Variants in BPIFA3 observed in about 807,000 individuals in gnomAD.
The protein encoded by BPIFA3 is BPI fold-containing family A member 3.
Under a neutral mutation model 29.7 loss-of-function variants are expected in BPIFA3, and 32 were observed. That is an observed-to-expected ratio of 1.08 (90% confidence interval 0.81 to 1.45). The LOEUF is 1.45. BPIFA3 is among the 40% of genes most tolerant of loss of function. BPIFA3 has a pLI of 0.00. For synonymous variants in BPIFA3, 112 were observed against 113.7 expected (o/e 0.98, Z 0.10); for missense variants, 323 against 311.3 (o/e 1.04, Z -0.28).
chr20:33,222,554 AGATG>A (rs56018803), intron 1 of BPIFA3, among the ~76,000 whole-genome samples: 19,196 of 129,042 alleles, frequency 0.15, 1,509 homozygotes, highest in South Asian at 0.22. Context: ...ATAGATGGAC[AGATG>A]GATGGATGGA....
chr20:33,220,270 G>C (rs1340128588), intron 1 of BPIFA3, among the ~76,000 whole-genome samples: 1 of 147,944 alleles, frequency 6.8e-6, no homozygotes, highest in East Asian at 2.0e-4. Flanking sequence ...TGGTGGTGAG[G>C]GCCTGTAGTC....
At position 33,226,455 on chromosome 20, in the gene BPIFA3, C is replaced by G. The variant is rs780265027; in HGVS notation, c.586C>G (p.Leu196Val). ...GTTTCTCTACAACCTCAAAGAGAAT[C>G]TGCAAAAAGTTCTCCCACACATGGT... Reference protein sequence around the residue: ...NQFLYNLKENLQKVLPHMVES... With the variant: ...NQFLYNLKENVQKVLPHMVES... The change falls in exon 5 of 7, where the codon CTG becomes GTG. Residue 196 changes from leucine to valine, a missense_variant. Coordinates refer to ENST00000375454, the MANE Select transcript of BPIFA3 (RefSeq NM_178466.5). 2.5e-6 allele frequency: 4 copies of G among 1,609,456 alleles called. No homozygotes were observed. In the African/African-American group the frequency reaches 5.4e-5, roughly 22 times the overall value.
At chr20:33,224,951 T>C in intron 3 of BPIFA3, 147 bp from the exon 4 acceptor site, 2 of 686,046 alleles carry the variant, frequency 2.9e-6, no homozygotes, top group Non-Finnish European at 5.0e-6. Context: ...GACTTCAGGA[T>C]TTAACTGGGC....
At chr20:33,217,845 A>G (rs1247296611) in intron 1 of BPIFA3, among the ~76,000 whole-genome samples, 182 bp downstream of exon 1, 1 of 152,188 alleles carries the variant, frequency 6.6e-6, no homozygotes, top group Non-Finnish European at 1.5e-5. Context: ...TTTCTAGCAC[A>G]TCCTCATTGG....
In BPIFA3 at chr20:33,217,493, C is replaced by T. The variant is rs750046486; in HGVS notation, c.-44C>T. On this transcript the variant is annotated 5_prime_UTR_variant, in exon 1 of 7. An upstream open reading frame in the 5' UTR gains an earlier in-frame stop. Transcript: ENST00000375454. ...ACTGCCACCCTCAAAGCCGTCTGCC[C>T]AGGCCCCATCTGACACTCTTGACAT... is the stretch of plus-strand genomic sequence containing the variant. 1.2e-6 allele frequency: 2 copies of T among 1,605,482 alleles called. No homozygotes were observed. Among genetic ancestry groups the T allele is most frequent in the Non-Finnish European group, 1.7e-6 (2 of 1,176,770 alleles).
At chr20:33,223,033 G>A (rs749444123) in intron 1 of BPIFA3, among the ~76,000 whole-genome samples, 1 of 152,220 alleles carries the variant, frequency 6.6e-6, no homozygotes, top group South Asian at 2.1e-4. Flanking sequence ...AAGACCCAGG[G>A]AGATGATAGA....
chr20:33,220,963 C>T (rs1985483673), intron 1 of BPIFA3, among the ~76,000 whole-genome samples: 2 of 152,060 alleles, frequency 1.3e-5, no homozygotes, highest in South Asian at 4.2e-4. Flanking sequence ...GTTCCTTATG[C>T]CCCTAGCTTT....
Position 33,226,390 on chromosome 20 carries a change from C to A in BPIFA3, c.537-16C>A, listed in dbSNP as rs1178833632. On this transcript the variant is annotated splice_polypyrimidine_tract_variant and intron_variant, in intron 4 of 6. Transcript: ENST00000375454. Reference sequence around the variant, plus strand: ...GATTGCTCTGTTCTGTTCTGTGCCTCTACCTTTCTTTCTAGGGCTATCCCA... The same window carrying A: ...GATTGCTCTGTTCTGTTCTGTGCCTATACCTTTCTTTCTAGGGCTATCCCA... 1 of 1,589,852 alleles carries A rather than the reference C, an allele frequency of 6.3e-7. No individual in the cohort carries two copies. The highest frequency in any genetic ancestry group is 8.6e-7 in the Non-Finnish European group (1 of 1,158,384).
intron 1 of BPIFA3, among the ~76,000 whole-genome samples, chr20:33,220,523 A>C (rs1191491138): frequency 6.6e-6 from 1 of 152,194 alleles, no homozygotes; most frequent in Non-Finnish European, 1.5e-5. Context: ...AGATTTTACT[A>C]TATATCCCAT....
chr20:33,224,203 A>C (rs376133413), intron 2 of BPIFA3, 152 bp from the exon 3 acceptor site: 1 of 790,750 alleles, frequency 1.3e-6, no homozygotes, highest in Non-Finnish European at 2.0e-6. Flanking sequence ...CCCGCACCTG[A>C]CTCTTGCCCT....
At position 33,217,506 on chromosome 20, in the gene BPIFA3, A is replaced by C; in HGVS notation, c.-31A>C. 1 of 1,609,448 alleles carries C rather than the reference A, an allele frequency of 6.2e-7. No homozygotes were observed. On this transcript the variant is annotated 5_prime_UTR_variant, in exon 1 of 7. The change abolishes the stop of an existing upstream ORF in the 5' untranslated region. Coordinates refer to ENST00000375454, the MANE Select transcript of BPIFA3 (RefSeq NM_178466.5). ...AAGCCGTCTGCCCAGGCCCCATCTGACACTCTTGACATCTGCAGGTCCCAG... is the reference window on the plus strand; with the variant it reads ...AAGCCGTCTGCCCAGGCCCCATCTGCCACTCTTGACATCTGCAGGTCCCAG...
intron 4 of BPIFA3, chr20:33,225,571 C>T (rs1176428224): frequency 1.1e-5 from 3 of 285,560 alleles, no homozygotes; most frequent in East Asian, 7.0e-5. Context: ...TTCCCTGGCC[C>T]GGATCTCCCC....
upstream of BPIFA3, chr20:33,217,340 T>A (rs928249115): frequency 5.2e-6 from 3 of 574,162 alleles, no homozygotes; most frequent in African/African-American, 2.0e-5. Flanking sequence ...GGGTTCCACA[T>A]GTTGCTCTCC....
At position 33,227,780 on chromosome 20, in the gene BPIFA3, C is replaced by A; in HGVS notation, c.*163C>A. ...GGTGCACAGGTCCCTCCCACCTGGG[C>A]CCTGGGGTTTAGGTCTAGAAGTCAG... is the stretch of plus-strand genomic sequence containing the variant. On this transcript the variant is annotated 3_prime_UTR_variant, in exon 7 of 7. Transcript: ENST00000375454. The A allele has an allele frequency of 3.3e-6, 2 of 599,806 alleles. No individual in the cohort carries two copies. The highest frequency in any genetic ancestry group is 5.9e-6 in the Non-Finnish European group (2 of 340,058). The allele number at this position is 599,806 out of a possible 1,614,324, so 37.2% of individuals were successfully genotyped here.
chr20:33,220,397 A>AT (rs1985459038), intron 1 of BPIFA3, among the ~76,000 whole-genome samples: 1 of 145,186 alleles, frequency 6.9e-6, no homozygotes, highest in Admixed American at 6.9e-5. Context: ...GACTCCATCT[A>AT]AAAAAAAAAA....
At chr20:33,221,400 G>T (rs1423460569) in intron 1 of BPIFA3, among the ~76,000 whole-genome samples, 1 of 152,158 alleles carries the variant, frequency 6.6e-6, no homozygotes, top group Non-Finnish European at 1.5e-5. Context: ...CAGGTGATCC[G>T]CCCGCCTTGG....
Position 33,217,782 on chromosome 20 carries a change from T to C in BPIFA3, c.127+119T>C, listed in dbSNP as rs570742355. 3.1e-6 allele frequency: 4 copies of C among 1,273,948 alleles called. No homozygotes were observed. The Admixed American group carries it at 1.2e-4, about 40-fold the overall frequency. The allele number at this position is 1,273,948 out of a possible 1,614,324, so 78.9% of individuals were successfully genotyped here. On this transcript the variant is annotated intron_variant, in intron 1 of 6. Coordinates refer to ENST00000375454, the MANE Select transcript of BPIFA3 (RefSeq NM_178466.5). ...CAGGTTAGTCACTTTCCCTCTTCTC[T>C]TTTTCTTAGACCTCAAGTACAGAAA...
At chr20:33,219,119 G>A (rs1229207482) in intron 1 of BPIFA3, among the ~76,000 whole-genome samples, 4 of 151,928 alleles carry the variant, frequency 2.6e-5, no homozygotes, top group Non-Finnish European at 4.4e-5. Flanking sequence ...TTGGCCAGGC[G>A]GTCTCGAACC....
Position 33,224,405 on chromosome 20 carries a change from T to A in BPIFA3, c.329T>A (p.Phe110Tyr). 1 of 1,614,178 alleles carries A rather than the reference T, an allele frequency of 6.2e-7. No homozygotes were observed. The highest frequency in any genetic ancestry group is 8.5e-7 in the Non-Finnish European group (1 of 1,180,012). The change falls in exon 3 of 7, where the codon TTC (phenylalanine) becomes TAC (tyrosine). Residue 110 changes from phenylalanine to tyrosine, a missense_variant. Phe to Tyr is a conservative substitution (Grantham distance 22, BLOSUM62 3). Transcript: ENST00000375454. ...QLDCGGIQISFHKEWFSANIS... is the reference protein window; with the variant it reads ...QLDCGGIQISYHKEWFSANIS... ...GACTGTGGTGGGATCCAGATATCAT[T>A]CCATAAGGAGTGGTTCTCGGCAAAT...
Sources: gnomAD v4.1 joint callset for allele counts (sites outside exome capture counted in the v4.1 genomes callset) on GRCh38, gnomAD v4.1.1 for gene constraint, MANE v1.5 for transcripts, NCBI Gene and HGNC (gene_info 2026-07-23, HGNC 2026-07-21) for gene names.